CAPRIN1: variants seen among roughly 807,000 people sequenced by gnomAD.
CAPRIN1 encodes caprin-1.
CAPRIN1 carries 29 observed loss-of-function variants against 100.9 expected under a neutral mutation model. The ratio of observed to expected loss-of-function variants is 0.29; its 90% CI spans 0.21 to 0.39. The LOEUF (loss-of-function observed/expected upper bound fraction) is 0.39. Among genes scored for constraint, CAPRIN1 ranks in the 10% least tolerant of loss-of-function variants. The pLI is 1.00. For missense variants in CAPRIN1, 795 were observed against 876.7 expected, an observed-to-expected ratio of 0.91 and a Z score of 1.18; for synonymous variants, 338 against 307.5, an observed-to-expected ratio of 1.10 and a Z score of -1.04.
At chr11:34,082,796 T>C (rs1367710206) in intron 7 of CAPRIN1, 29 bp from the exon 8 acceptor site, 27 of 1,599,198 alleles carry the variant, frequency 1.7e-5, no homozygotes, top group Non-Finnish European at 2.3e-5. Flanking sequence ...AAAAATCCTT[T>C]TGTTTTGCAC....
At chr11:34,095,655 G>C (rs1378249611) in intron 15 of CAPRIN1, among the ~76,000 whole-genome samples, 2 of 152,166 alleles carry the variant, frequency 1.3e-5, no homozygotes, top group African/African-American at 2.4e-5. Flanking sequence ...GCCTTCCTTT[G>C]TTCTGTTGCC....
chr11:34,052,993 C>A (rs1416781175), intron 2 of CAPRIN1: 5 of 1,056,594 alleles, frequency 4.7e-6, no homozygotes, highest in Non-Finnish European at 5.7e-6. Flanking sequence ...CTCTGAGGCC[C>A]GATTTCTCTG....
chr11:34,076,734 TA>T, intron 6 of CAPRIN1, 92 bp downstream of exon 6: 5 of 938,738 alleles, frequency 5.3e-6, no homozygotes, highest in South Asian at 3.1e-5. Flanking sequence ...AGAAAAAAAT[TA>T]GTTTTTTTTT....
At chr11:34,083,193 G>A in intron 9 of CAPRIN1, 152 bp downstream of exon 9, 1 of 622,650 alleles carries the variant, frequency 1.6e-6, no homozygotes, top group South Asian at 2.0e-5. Context: ...TCCAAAAAAT[G>A]AATGTTTATC....
rs967434861 is a variant in CAPRIN1 at position 34,052,480 on chromosome 11, G to T, written c.60G>T (p.Pro20=). 2 of 1,607,838 alleles carry T rather than the reference G, an allele frequency of 1.2e-6. No individual in the cohort carries two copies. Among genetic ancestry groups the T allele is most frequent in the African/African-American group, 2.7e-5 (2 of 74,700 alleles). The change falls in exon 2 of 19, where the codon CCG becomes CCT. Residue 20 remains proline (P), a synonymous_variant. Coordinates refer to ENST00000341394, the MANE Select transcript of CAPRIN1 (RefSeq NM_005898.5). The part of the protein sequence containing the change: ...SGSKSSGPPP[P]SGSSGSEAAA... The stretch of plus-strand genomic sequence containing the variant: ...GCAAGTCGTCCGGACCGCCACCGCC[G>T]TCGGGTTCCTCCGGGAGTGAGGCGG...
chr11:34,057,702 T>C (rs1850481202), intron 2 of CAPRIN1, among the ~76,000 whole-genome samples: 1 of 152,116 alleles, frequency 6.6e-6, no homozygotes, highest in Non-Finnish European at 1.5e-5. Context: ...TTATAAAATT[T>C]AGAGGATTTT....
intron 2 of CAPRIN1, among the ~76,000 whole-genome samples, chr11:34,066,208 T>G (rs1850689131): frequency 6.6e-6 from 1 of 152,188 alleles, no homozygotes; most frequent in African/African-American, 2.4e-5. Flanking sequence ...ACTCCTACTC[T>G]TGAGCTCAGA....
intron 2 of CAPRIN1, among the ~76,000 whole-genome samples, chr11:34,068,142 A>T (rs1850735867): frequency 6.6e-6 from 1 of 152,162 alleles, no homozygotes; most frequent in East Asian, 1.9e-4. Flanking sequence ...AAATGAGTGG[A>T]ACCACAGGGA....
chr11:34,064,289 T>C (rs1850642581), intron 2 of CAPRIN1, among the ~76,000 whole-genome samples: 1 of 152,198 alleles, frequency 6.6e-6, no homozygotes, highest in Non-Finnish European at 1.5e-5. Flanking sequence ...GATCTGTCAA[T>C]GTGACAAGCT....
At chr11:34,092,534 A>G (rs749296782) in intron 15 of CAPRIN1, among the ~76,000 whole-genome samples, 32 of 151,520 alleles carry the variant, frequency 2.1e-4, no homozygotes, top group African/African-American at 6.6e-4. Flanking sequence ...AATTTTTTGT[A>G]TTTTTGGTAA....
chr11:34,061,423 G>A (rs1009441245), intron 2 of CAPRIN1, among the ~76,000 whole-genome samples: 2 of 151,740 alleles, frequency 1.3e-5, no homozygotes, highest in Non-Finnish European at 2.9e-5. Context: ...GCCCAGGCTG[G>A]TCTCAAACTC....
At chr11:34,093,186 ATT>A (rs1241480036) in intron 15 of CAPRIN1, among the ~76,000 whole-genome samples, 4 of 44,720 alleles carry the variant, frequency 8.9e-5, no homozygotes, top group African/African-American at 1.9e-4. Context: ...GATACTTTAG[ATT>A]TTTTTTTATA....
chr11:34,076,916 G>GT (rs1347065100), intron 6 of CAPRIN1, among the ~76,000 whole-genome samples: 1 of 151,918 alleles, frequency 6.6e-6, no homozygotes. Context: ...TGTATTTTTA[G>GT]TAGAGACAGG....
At chr11:34,083,265 A>C (rs578240023) in intron 9 of CAPRIN1, among the ~76,000 whole-genome samples, 11 of 152,336 alleles carry the variant, frequency 7.2e-5, no homozygotes, top group Non-Finnish European at 1.2e-4. Context: ...TATTTTATAC[A>C]AAGTTATCTG....
chr11:34,084,996 T>G (rs373999408), intron 9 of CAPRIN1, among the ~76,000 whole-genome samples: 44 of 152,144 alleles, frequency 2.9e-4, no homozygotes, highest in Middle Eastern at 6.8e-3. Context: ...ATTCCACGAA[T>G]TTTTGGAGCA....
intron 2 of CAPRIN1, among the ~76,000 whole-genome samples, chr11:34,065,112 A>T (rs1269106215): frequency 6.6e-6 from 1 of 151,728 alleles, no homozygotes; most frequent in Non-Finnish European, 1.5e-5. Flanking sequence ...GGTCCCCGCC[A>T]CCACGCCCGA....
chr11:34,062,652 C>G (rs1198367273), intron 2 of CAPRIN1, among the ~76,000 whole-genome samples: 1 of 149,480 alleles, frequency 6.7e-6, no homozygotes, highest in Non-Finnish European at 1.5e-5. Flanking sequence ...AGGAAAACTG[C>G]TAAAGATTAT....
chr11:34,097,782 T>G (rs768280433), intron 18 of CAPRIN1, 21 bp downstream of exon 18: 3 of 1,614,006 alleles, frequency 1.9e-6, no homozygotes, highest in Non-Finnish European at 8.5e-7. Context: ...GTGGTGGTGA[T>G]CCTAGCTCCT....
intron 17 of CAPRIN1, 133 bp downstream of exon 17, chr11:34,097,429 A>G (rs553809953): frequency 1.3e-6 from 1 of 790,722 alleles, no homozygotes; most frequent in Admixed American, 2.6e-5. Context: ...CTGTTGAAAC[A>G]AAAGCTTTTA....
Sources: allele counts gnomAD v4.1 joint callset (sites outside exome capture counted in the v4.1 genomes callset), GRCh38; gene constraint gnomAD v4.1.1; transcripts MANE v1.5; gene names NCBI Gene and HGNC (gene_info 2026-07-23, HGNC 2026-07-21).